Variants in CAST observed in about 807,000 individuals in gnomAD.
The protein encoded by CAST is MIR583 host.
A neutral mutation model predicts 119.6 loss-of-function variants in CAST; 76 were observed. That is an observed-to-expected ratio of 0.64 (90% CI 0.53 to 0.77). CAST has a LOEUF of 0.77. Ranked by LOEUF, CAST falls within the 30% of genes least tolerant of loss-of-function variation. CAST has a pLI of 0.00. For missense variants in CAST, 953 were observed against 946.5 expected, an observed-to-expected ratio of 1.01 and a Z score of -0.09; for synonymous variants, 319 against 331.6, an observed-to-expected ratio of 0.96 and a Z score of 0.41.
At chr5:96,085,687 C>T in the CAST span, among the ~76,000 whole-genome samples, 31 of 152,180 alleles carry the variant, frequency 2.0e-4, no homozygotes, top group Non-Finnish European at 1.6e-4. Flanking sequence ...CTTAACTAGA[C>T]GTGAAATGTG....
intron 1 of CAST, among the ~76,000 whole-genome samples, chr5:96,555,382 G>A (rs1746217445): frequency 6.6e-6 from 1 of 151,994 alleles, no homozygotes; most frequent in Non-Finnish European, 1.5e-5. Flanking sequence ...GTGGGTGCAG[G>A]ACAGTGGGTG....
chr5:96,275,338 AT>A, the CAST span, among the ~76,000 whole-genome samples: 1 of 152,244 alleles, frequency 6.6e-6, no homozygotes, highest in African/African-American at 2.4e-5. Flanking sequence ...TCAGTTAGAT[AT>A]TTGAGGCAAG....
the CAST span, among the ~76,000 whole-genome samples, chr5:96,108,724 G>A: frequency 1.3e-5 from 2 of 152,268 alleles, no homozygotes; most frequent in African/African-American, 2.4e-5. Context: ...GAGGCAGGCA[G>A]GCCTCCTTGA....
At chr5:96,372,735 C>G in the CAST span, among the ~76,000 whole-genome samples, 1 of 152,192 alleles carries the variant, frequency 6.6e-6, no homozygotes, top group Non-Finnish European at 1.5e-5. Context: ...TTTCCTAAGG[C>G]TGCACCTTGG....
At chr5:96,346,845 C>G in the CAST span, among the ~76,000 whole-genome samples, 1 of 152,114 alleles carries the variant, frequency 6.6e-6, no homozygotes, top group African/African-American at 2.4e-5. Context: ...GTCAGTAAAT[C>G]AAGTACTCTG....
chr5:96,128,818 G>A, the CAST span, among the ~76,000 whole-genome samples: 1 of 152,066 alleles, frequency 6.6e-6, no homozygotes, highest in Non-Finnish European at 1.5e-5. Flanking sequence ...CCAAAAATGG[G>A]TGGGATGGAT....
chr5:96,690,394 G>T (rs774241970), intron 2 of CAST, among the ~76,000 whole-genome samples: 1 of 152,040 alleles, frequency 6.6e-6, no homozygotes, highest in Non-Finnish European at 1.5e-5. Context: ...ATTACACCCA[G>T]CTAATTTTTA....
At chr5:96,662,614 C>T in intron 1 of CAST, 117 bp downstream of exon 1, 1 of 1,224,844 alleles carries the variant, frequency 8.2e-7, no homozygotes, top group Non-Finnish European at 1.0e-6. Context: ...CCGGCGCCCC[C>T]GCGGGGCAGG....
chr5:96,605,239 C>G (rs1042528420), intron 1 of CAST, among the ~76,000 whole-genome samples: 12 of 152,206 alleles, frequency 7.9e-5, no homozygotes, highest in Admixed American at 2.0e-4. Context: ...GCCCCTTCCC[C>G]CTCCCCATCA....
At chr5:96,067,235 T>G in the CAST span, among the ~76,000 whole-genome samples, 3 of 152,224 alleles carry the variant, frequency 2.0e-5, no homozygotes, top group African/African-American at 7.2e-5. Flanking sequence ...CTTAAGGTTA[T>G]ATTCTGTATT....
chr5:96,703,792 A>G (rs1754377029), intron 3 of CAST, among the ~76,000 whole-genome samples: 1 of 152,070 alleles, frequency 6.6e-6, no homozygotes, highest in Non-Finnish European at 1.5e-5. Flanking sequence ...TCAGAGGAAA[A>G]ACCTCTGCAT....
At chr5:96,607,081 G>A (rs936439046) in intron 1 of CAST, among the ~76,000 whole-genome samples, 2 of 152,196 alleles carry the variant, frequency 1.3e-5, no homozygotes, top group Non-Finnish European at 2.9e-5. Flanking sequence ...GAGGTCAGGA[G>A]ATCAAGACCA....
At chr5:95,999,609 G>T in the CAST span, among the ~76,000 whole-genome samples, 3,863 of 152,204 alleles carry the variant, frequency 0.025, 152 homozygotes, top group African/African-American at 0.087. Context: ...CTCCCAAAGT[G>T]CTGGGATTAC....
chr5:96,528,470 G>T (rs114589943), upstream of CAST, among the ~76,000 whole-genome samples: 1,001 of 152,168 alleles, frequency 6.6e-3, 10 homozygotes, highest in African/African-American at 0.023. Flanking sequence ...GGCCTTACAA[G>T]GTAAGTATTT....
the CAST span, among the ~76,000 whole-genome samples, chr5:96,164,221 G>A: frequency 1.3e-5 from 2 of 152,098 alleles, no homozygotes; most frequent in South Asian, 2.1e-4. Flanking sequence ...TTATATACAA[G>A]GTATGTTGTA....
the CAST span, among the ~76,000 whole-genome samples, chr5:96,203,469 T>A: frequency 2.0e-5 from 3 of 152,066 alleles, no homozygotes; most frequent in Non-Finnish European, 4.4e-5. Context: ...AAATATTTTT[T>A]AAATTTGTGA....
the CAST span, among the ~76,000 whole-genome samples, chr5:96,370,019 G>T: frequency 6.6e-6 from 1 of 151,918 alleles, no homozygotes; most frequent in Non-Finnish European, 1.5e-5. Flanking sequence ...ATCTGGTTTT[G>T]AACTTCAAAA....
At chr5:96,558,261 C>A (rs1746283587) in intron 1 of CAST, among the ~76,000 whole-genome samples, 1 of 152,038 alleles carries the variant, frequency 6.6e-6, no homozygotes, top group Non-Finnish European at 1.5e-5. Flanking sequence ...CAGGAAAGAT[C>A]TAAAATTGAC....
the CAST span, among the ~76,000 whole-genome samples, chr5:96,355,728 C>T: frequency 3.3e-5 from 5 of 151,712 alleles, no homozygotes; most frequent in East Asian, 5.8e-4. Flanking sequence ...TTTGAGACGG[C>T]GTCTTGCTGT....
Sources: allele counts gnomAD v4.1 joint callset (sites outside exome capture counted in the v4.1 genomes callset), GRCh38; gene constraint gnomAD v4.1.1; transcripts MANE v1.5; gene names NCBI Gene and HGNC (gene_info 2026-07-23, HGNC 2026-07-21).